AUTS2: variants seen among roughly 807,000 people sequenced by gnomAD.
AUTS2 encodes activator of transcription and developmental regulator AUTS2.
AUTS2 carries 17 observed loss-of-function variants against 112.4 expected under a neutral mutation model. The observed-to-expected ratio is 0.15, with a 90% CI of 0.10 to 0.23. The LOEUF is 0.23. Among genes scored for constraint, AUTS2 ranks in the 10% least tolerant of loss-of-function variants. The pLI is 1.00. For missense variants in AUTS2, 1,510 were observed against 1,701.6 expected, an observed-to-expected ratio of 0.89 and a Z score of 1.98; for synonymous variants, 751 against 702.7, an observed-to-expected ratio of 1.07 and a Z score of -1.09.
At chr7:70,198,441 G>GA (rs1352045840) in intron 4 of AUTS2, among the ~76,000 whole-genome samples, 49 of 151,082 alleles carry the variant, frequency 3.2e-4, no homozygotes, top group African/African-American at 1.1e-3. Flanking sequence ...TGAAAACTTT[G>GA]AAAAAAATTT....
At chr7:69,931,983 C>G (rs1796244410) in intron 2 of AUTS2, among the ~76,000 whole-genome samples, 1 of 152,126 alleles carries the variant, frequency 6.6e-6, no homozygotes, top group African/African-American at 2.4e-5. Context: ...CTCTTCCTCA[C>G]AAAATATGTT....
intron 1 of AUTS2, among the ~76,000 whole-genome samples, chr7:69,614,367 T>TCTTTCTTTCTTTCTTTTC (rs57602451): frequency 2.1e-4 from 19 of 90,280 alleles, no homozygotes; most frequent in Admixed American, 3.5e-4. Context: ...TTTCTTTCTT[T>TCTTTCTTTCTTTCTTTTC]TTTTAAGAGA....
chr7:69,706,118 G>A (rs6460525), intron 1 of AUTS2, among the ~76,000 whole-genome samples: 14,819 of 152,168 alleles, frequency 0.097, 1,141 homozygotes, highest in African/African-American at 0.21. Flanking sequence ...TCTTCTGGCA[G>A]TTTTGTTTCA....
chr7:69,852,424 C>T (rs982528395), intron 1 of AUTS2, among the ~76,000 whole-genome samples: 2 of 151,420 alleles, frequency 1.3e-5, no homozygotes, highest in African/African-American at 2.4e-5. Context: ...AAAGTGTCTG[C>T]TTTCCCTGTT....
intron 1 of AUTS2, among the ~76,000 whole-genome samples, chr7:69,805,161 C>T (rs563461873): frequency 6.6e-6 from 1 of 152,302 alleles, no homozygotes; most frequent in South Asian, 2.1e-4. Flanking sequence ...GCCTTGTTGA[C>T]TTAAGTAGCA....
At chr7:70,099,870 T>C (rs776636926) in intron 2 of AUTS2, among the ~76,000 whole-genome samples, 88 of 152,340 alleles carry the variant, frequency 5.8e-4, no homozygotes, top group Admixed American at 1.9e-3. Context: ...TGTTTGTTCT[T>C]CTACAGTATT....
intron 6 of AUTS2, among the ~76,000 whole-genome samples, chr7:70,735,014 A>G (rs1428389570): frequency 6.6e-6 from 1 of 152,146 alleles, no homozygotes; most frequent in Admixed American, 6.5e-5. Context: ...AGGAAAAAAA[A>G]AAAAGAAGTC....
At chr7:69,880,568 G>A (rs1456281410) in intron 1 of AUTS2, among the ~76,000 whole-genome samples, 1 of 152,132 alleles carries the variant, frequency 6.6e-6, no homozygotes, top group East Asian at 1.9e-4. Context: ...TTTGCCTCAG[G>A]TGTCAGAATT....
intron 5 of AUTS2, among the ~76,000 whole-genome samples, chr7:70,563,539 G>C (rs1161240869): frequency 6.6e-6 from 1 of 152,196 alleles, no homozygotes; most frequent in African/African-American, 2.4e-5. Context: ...ACATTATCCA[G>C]TTTATACTTT....
intron 4 of AUTS2, among the ~76,000 whole-genome samples, chr7:70,311,012 A>C (rs1339947664): frequency 6.6e-6 from 1 of 151,964 alleles, no homozygotes; most frequent in Non-Finnish European, 1.5e-5. Context: ...TCTCCAGTTT[A>C]AAAAAAAGTA....
chr7:69,839,439 G>A (rs1009387292), intron 1 of AUTS2, among the ~76,000 whole-genome samples: 2 of 151,988 alleles, frequency 1.3e-5, no homozygotes, highest in African/African-American at 2.4e-5. Context: ...CAGATTATAG[G>A]CATATATGTA....
At chr7:70,026,113 G>A (rs374630870) in intron 2 of AUTS2, among the ~76,000 whole-genome samples, 1 of 152,188 alleles carries the variant, frequency 6.6e-6, no homozygotes, top group East Asian at 1.9e-4. Context: ...GGGCGCTGCA[G>A]CTGCAGGTCT....
intron 4 of AUTS2, among the ~76,000 whole-genome samples, chr7:70,190,403 A>G (rs1363412137): frequency 6.6e-6 from 1 of 152,232 alleles, no homozygotes; most frequent in Non-Finnish European, 1.5e-5. Flanking sequence ...CAGTTGGCTC[A>G]TCTCATCTCC....
chr7:70,252,660 C>G (rs1165842507), intron 4 of AUTS2, among the ~76,000 whole-genome samples: 1 of 152,058 alleles, frequency 6.6e-6, no homozygotes. Flanking sequence ...AAATCTTTTC[C>G]TAGACCAATG....
intron 3 of AUTS2, among the ~76,000 whole-genome samples, chr7:70,122,250 A>C (rs1218048835): frequency 6.6e-6 from 1 of 152,196 alleles, no homozygotes. Flanking sequence ...GGATGATAAC[A>C]ATGTTTTGGA....
chr7:70,773,864 T>C (rs1401928952), intron 11 of AUTS2, among the ~76,000 whole-genome samples, 164 bp from the exon 12 acceptor site: 1 of 152,196 alleles, frequency 6.6e-6, no homozygotes, highest in Admixed American at 6.5e-5. Flanking sequence ...TCAGGCCCCC[T>C]TGAGAAAGAG....
In AUTS2 at chr7:70,747,777, C is replaced by T. The variant is rs569167469; in HGVS notation, c.743-15093C>T. Among the ~76,000 whole-genome samples the T allele has an allele frequency of 1.8e-4, 28 of 151,758 alleles. No homozygotes were observed. In the East Asian group the frequency reaches 3.5e-3, roughly 19 times the overall value. On this transcript the variant is annotated intron_variant, in intron 6 of 18. Transcript: ENST00000342771. ...CTGGGATTACAGGCGTGAGCCACTG[C>T]GCCCAGCCCAGCGAGCTCATTTCTT...
chr7:70,688,180 C>T (rs1477523915), intron 5 of AUTS2, among the ~76,000 whole-genome samples: 2 of 152,152 alleles, frequency 1.3e-5, no homozygotes, highest in African/African-American at 4.8e-5. Context: ...GTTGGGAGCC[C>T]TCAGACTAAC....
At chr7:69,961,414 C>G (rs144350648) in intron 2 of AUTS2, among the ~76,000 whole-genome samples, 21 of 152,218 alleles carry the variant, frequency 1.4e-4, no homozygotes, top group Non-Finnish European at 3.1e-4. Context: ...TCAGAGCTTA[C>G]TTTTATATTT....
Sources: gnomAD v4.1 joint callset for allele counts (sites outside exome capture counted in the v4.1 genomes callset) on GRCh38, gnomAD v4.1.1 for gene constraint, MANE v1.5 for transcripts, NCBI Gene and HGNC (gene_info 2026-07-23, HGNC 2026-07-21) for gene names.